The following KANK1 variants were observed in gnomAD, a reference collection of about 807,000 sequenced individuals.
KANK1 encodes the protein KN motif and ankyrin repeat domains 1.
Under a neutral mutation model 106.2 loss-of-function variants are expected in KANK1, and 109 were observed. That is an observed-to-expected ratio of 1.03 (90% CI 0.88 to 1.20). The LOEUF is 1.20. Ranked by LOEUF, KANK1 falls within the 50% of genes most tolerant of loss-of-function variation. KANK1 has a pLI of 0.00. For synonymous variants in KANK1, 873 were observed against 652.2 expected (o/e 1.34, Z -5.16); for missense variants, 2,399 against 1,710.7 (o/e 1.40, Z -7.10).
intron 3 of KANK1, among the ~76,000 whole-genome samples, chr9:473,846 T>C (rs547306515): frequency 8.5e-5 from 13 of 152,238 alleles, no homozygotes; most frequent in African/African-American, 2.9e-4. Context: ...ACTGCAGGCA[T>C]GTGCCACCAC....
chr9:668,588 C>G (rs1379879983), intron 1 of KANK1, among the ~76,000 whole-genome samples: 1 of 151,972 alleles, frequency 6.6e-6, no homozygotes, highest in Non-Finnish European at 1.5e-5. Context: ...AAGTGACTTT[C>G]TCTGGTACTA....
At chr9:619,297 C>T (rs572672060) in intron 1 of KANK1, among the ~76,000 whole-genome samples, 7 of 152,260 alleles carry the variant, frequency 4.6e-5, no homozygotes, top group Admixed American at 2.6e-4. Context: ...AACCATCACA[C>T]TGTTTAGTTT....
At chr9:714,223 C>T (rs1429172496) in intron 3 of KANK1, among the ~76,000 whole-genome samples, 1 of 152,024 alleles carries the variant, frequency 6.6e-6, no homozygotes, top group Non-Finnish European at 1.5e-5. Flanking sequence ...AGACAGTAGA[C>T]CTATAACATG....
At chr9:616,373 A>T (rs1052106888) in intron 1 of KANK1, among the ~76,000 whole-genome samples, 1 of 152,182 alleles carries the variant, frequency 6.6e-6, no homozygotes, top group Non-Finnish European at 1.5e-5. Context: ...ATTAGAATGG[A>T]CATCCTGAAC....
intron 1 of KANK1, among the ~76,000 whole-genome samples, chr9:613,834 G>C (rs533489171): frequency 6.6e-6 from 1 of 152,278 alleles, no homozygotes; most frequent in African/African-American, 2.4e-5. Context: ...AGTGTCACCA[G>C]CCTTTTGGGA....
intron 1 of KANK1, among the ~76,000 whole-genome samples, chr9:545,751 T>TA (rs772822394): frequency 1.8e-5 from 2 of 112,320 alleles, no homozygotes; most frequent in African/African-American, 4.0e-5. Flanking sequence ...TTTTTTTTTT[T>TA]AAATTCCCTG....
rs1446466079 is a variant in KANK1 at position 711,735 on chromosome 9, C to T, written c.969C>T (p.Ser323=). 1 of 1,614,182 alleles carries T rather than the reference C, an allele frequency of 6.2e-7. No homozygotes were observed. The change falls in exon 3 of 12, where the codon TCC becomes TCT. Residue 323 remains serine (S), a synonymous_variant. Transcript: ENST00000382297. ...ATGTCTGTGGTGTGAGGAAGCGGTC[C>T]TATAGTGCGGGGAACGCCTCCCAGC... is the stretch of plus-strand genomic sequence containing the variant. ...QINVCGVRKR[S]YSAGNASQLE... is the part of the protein sequence containing the mutation.
intron 1 of KANK1, among the ~76,000 whole-genome samples, chr9:608,035 T>TTATTTA (rs1554646401): frequency 4.2e-5 from 1 of 23,906 alleles, no homozygotes; most frequent in African/African-American, 1.2e-4. Context: ...ATTATTATTA[T>TTATTTA]TTTTTTTTTT....
At chr9:697,219 C>G (rs1160060994) in intron 2 of KANK1, among the ~76,000 whole-genome samples, 2 of 151,970 alleles carry the variant, frequency 1.3e-5, no homozygotes, top group Non-Finnish European at 2.9e-5. Flanking sequence ...GCCTGACATT[C>G]TGTAGAATGT....
intron 1 of KANK1, among the ~76,000 whole-genome samples, chr9:514,959 G>A (rs987788815): frequency 1.1e-4 from 17 of 151,806 alleles, no homozygotes; most frequent in African/African-American, 3.6e-4. Context: ...TCTGGTAAAC[G>A]TGTGTTATTG....
At chr9:641,466 A>G (rs1838414209) in intron 1 of KANK1, among the ~76,000 whole-genome samples, 1 of 152,148 alleles carries the variant, frequency 6.6e-6, no homozygotes, top group Non-Finnish European at 1.5e-5. Context: ...CTTTTATGAA[A>G]TGGCTAAGAT....
intron 1 of KANK1, among the ~76,000 whole-genome samples, chr9:629,736 C>T (rs1835221868): frequency 1.3e-5 from 2 of 152,106 alleles, no homozygotes; most frequent in African/African-American, 2.4e-5. Flanking sequence ...GATATAACAC[C>T]TTGTATACGT....
At chr9:505,419 G>A (rs2058707702) in intron 1 of KANK1, among the ~76,000 whole-genome samples, 1 of 152,252 alleles carries the variant, frequency 6.6e-6, no homozygotes, top group African/African-American at 2.4e-5. Flanking sequence ...GTGGGTTTCC[G>A]AGGTCCCGCG....
rs774847107 is a variant in KANK1 at position 609,502 on chromosome 9, AC to A, written c.-83-67385del. On this transcript the variant is annotated intron_variant, in intron 1 of 11. Transcript: ENST00000382297. ...AAATTAGCTGGGTGTGGTGGCGTGC[AC>A]CCTTAGTCCCGGCTACTCAAAGGGC... Among the ~76,000 whole-genome samples, 110 of 152,156 alleles carry A rather than the reference AC, an allele frequency of 7.2e-4. 1 individual carries two copies. The highest frequency in any genetic ancestry group is 1.7e-3 in the South Asian group (8 of 4,812).
chr9:541,950 G>T (rs923282702), intron 1 of KANK1, among the ~76,000 whole-genome samples: 2 of 151,186 alleles, frequency 1.3e-5, no homozygotes, highest in African/African-American at 4.8e-5. Flanking sequence ...TTAGCCGGGC[G>T]TGGTAGCGGG....
chr9:555,628 C>T (rs763320782), intron 1 of KANK1, among the ~76,000 whole-genome samples: 4 of 152,128 alleles, frequency 2.6e-5, no homozygotes, highest in East Asian at 1.9e-4. Flanking sequence ...ACTGTAAAAG[C>T]GTAAGATTCC....
At chr9:536,800 G>T (rs2060324259) in intron 1 of KANK1, among the ~76,000 whole-genome samples, 1 of 152,148 alleles carries the variant, frequency 6.6e-6, no homozygotes, top group Non-Finnish European at 1.5e-5. Context: ...CACCTTTGGG[G>T]GGCGCATTTT....
intron 1 of KANK1, among the ~76,000 whole-genome samples, chr9:572,589 A>G (rs1214962445): frequency 6.6e-6 from 1 of 151,982 alleles, no homozygotes; most frequent in African/African-American, 2.4e-5. Context: ...CAGGGTCTCG[A>G]TATGTTGCCC....
At chr9:563,040 G>C (rs1325395909) in intron 1 of KANK1, among the ~76,000 whole-genome samples, 1 of 152,144 alleles carries the variant, frequency 6.6e-6, no homozygotes, top group Non-Finnish European at 1.5e-5. Flanking sequence ...GCCAGATTCT[G>C]CATTTTTCAG....
Sources: allele counts gnomAD v4.1 joint callset (sites outside exome capture counted in the v4.1 genomes callset), GRCh38; gene constraint gnomAD v4.1.1; transcripts MANE v1.5; gene names NCBI Gene and HGNC (gene_info 2026-07-23, HGNC 2026-07-21).